PRDM16: variants seen among roughly 807,000 people sequenced by gnomAD.
PRDM16 encodes the protein PR/SET domain 16.
In PRDM16, 23 loss-of-function variants were observed where a neutral mutation model predicts 110.6. The ratio of observed to expected loss-of-function variants is 0.21; its 90% CI spans 0.15 to 0.29. The LOEUF is 0.29. PRDM16 is among the 10% of genes least tolerant of loss of function. PRDM16 has a pLI of 1.00. For missense variants in PRDM16, 1,615 were observed against 1,794.3 expected (o/e 0.90, Z 1.81); for synonymous variants, 799 against 781.8 (o/e 1.02, Z -0.37).
rs1643284966 is a variant in PRDM16, at chr1:3,390,754, G to A, written c.573+5468G>A. ...TGTCAGGGTTGCGGTTTTAAACAGA[G>A]GGCATCCAACACCCATCATCTTGTT... On this transcript the variant is annotated intron_variant, in intron 4 of 16. Coordinates refer to ENST00000270722, the MANE Select transcript of PRDM16 (RefSeq NM_022114.4). This position sits in a 1 kb window ranked among gnomAD's most constrained non-coding sequence, Gnocchi z 5.0. Among the ~76,000 whole-genome samples, 1 of 152,068 alleles carries A rather than the reference G, an allele frequency of 6.6e-6. No individual in the cohort carries two copies. Among genetic ancestry groups the A allele is most frequent in the Admixed American group, 6.5e-5 (1 of 15,270 alleles).
At chr1:3,385,107 GCA>G in intron 3 of PRDM16, 43 bp from the exon 4 acceptor site, 1 of 1,611,298 alleles carries the variant, frequency 6.2e-7, no homozygotes, top group Non-Finnish European at 8.5e-7. Context: ...GCAGACTCCA[GCA>G]CACAGGGCAC....
intron 2 of PRDM16, among the ~76,000 whole-genome samples, chr1:3,214,053 G>A (rs919285876): frequency 6.6e-6 from 1 of 152,098 alleles, no homozygotes; most frequent in Non-Finnish European, 1.5e-5. Context: ...CCACAGCCCC[G>A]CCCCTTGTCT....
intron 1 of PRDM16, among the ~76,000 whole-genome samples, chr1:3,076,817 C>A (rs935975837): frequency 3.3e-5 from 5 of 152,220 alleles, no homozygotes; most frequent in African/African-American, 7.2e-5. Flanking sequence ...TTCCGACTTA[C>A]CTGGATGGAT....
At chr1:3,329,735 A>G (rs1170753208) in intron 3 of PRDM16, among the ~76,000 whole-genome samples, 10 of 152,214 alleles carry the variant, frequency 6.6e-5, no homozygotes, top group Non-Finnish European at 1.5e-4. Flanking sequence ...CATTCACAGG[A>G]GAGTGGGCAG....
At chr1:3,236,415 C>CT (rs1639541973) in intron 2 of PRDM16, among the ~76,000 whole-genome samples, 1 of 152,174 alleles carries the variant, frequency 6.6e-6, no homozygotes, top group Non-Finnish European at 1.5e-5. Context: ...TGCTAATGGC[C>CT]TGGGGGGGCG....
intron 3 of PRDM16, chr1:3,308,859 G>A (rs1442598204): frequency 2.0e-5 from 3 of 152,232 alleles, no homozygotes; most frequent in Non-Finnish European, 2.9e-5. Context: ...CATGATAGTG[G>A]TCCCCGGGTA....
chr1:3,180,553 C>T (rs1228251554), intron 1 of PRDM16, among the ~76,000 whole-genome samples: 2 of 152,048 alleles, frequency 1.3e-5, no homozygotes, highest in African/African-American at 4.8e-5. Context: ...GCCCGAGGGC[C>T]GCAAAAGTAA....
At chr1:3,355,272 G>A (rs150437815) in intron 3 of PRDM16, among the ~76,000 whole-genome samples, 287 of 152,270 alleles carry the variant, frequency 1.9e-3, no homozygotes, top group African/African-American at 6.5e-3. Flanking sequence ...GGAGGCCTCC[G>A]GGGTATCAGG....
At chr1:3,254,643 A>G (rs1002321021) in intron 3 of PRDM16, among the ~76,000 whole-genome samples, 5 of 152,212 alleles carry the variant, frequency 3.3e-5, no homozygotes, top group Admixed American at 2.6e-4. Flanking sequence ...ACCACTGCTC[A>G]ATGAAATAAA....
intron 2 of PRDM16, among the ~76,000 whole-genome samples, chr1:3,212,659 T>C (rs1424464492): frequency 2.0e-5 from 3 of 150,654 alleles, no homozygotes; most frequent in South Asian, 4.2e-4. Context: ...GCTGCGGTCC[T>C]CCCGCTCATC....
At chr1:3,233,227 T>C (rs933214815) in intron 2 of PRDM16, among the ~76,000 whole-genome samples, 9 of 152,172 alleles carry the variant, frequency 5.9e-5, no homozygotes, top group African/African-American at 2.2e-4. Context: ...GGCCGCGCGG[T>C]GCCTAGCACC....
At chr1:3,186,099 G>A (rs766242377) in intron 1 of PRDM16, 26 bp from the exon 2 acceptor site, 1 of 1,584,230 alleles carries the variant, frequency 6.3e-7, no homozygotes, top group Middle Eastern at 1.7e-4. Flanking sequence ...GTGCTGCAGA[G>A]GTTGACGCTG....
At chr1:3,234,104 T>G (rs904831452) in intron 2 of PRDM16, among the ~76,000 whole-genome samples, 49 of 152,222 alleles carry the variant, frequency 3.2e-4, no homozygotes, top group African/African-American at 1.1e-3. Flanking sequence ...CCCGGTGTCC[T>G]GGGAGTGTGT....
At position 3,412,783 on chromosome 1, in the gene PRDM16, C is replaced by T. The variant is rs1322016235; in HGVS notation, c.2586C>T (p.Phe862=). The part of the protein sequence containing the change: ...PLHYAKPSPF[F]MDPIYSRVEK... ...ACTACGCCAAGCCCTCGCCCTTCTT[C>T]ATGGACCCCATCTACAGGTATTCAG... Residue 862 remains phenylalanine (F), a synonymous_variant, in exon 9 of 17, where the codon TTC becomes TTT. Transcript: ENST00000270722. The T allele has an allele frequency of 4.1e-6, 6 of 1,472,546 alleles. No individual in the cohort carries two copies. The East Asian group carries it at 1.5e-4, about 37-fold the overall frequency. 91.2% of individuals were successfully genotyped at this position (1,472,546 alleles called of 1,614,324 possible).
At chr1:3,196,116 G>A (rs1638468176) in intron 2 of PRDM16, among the ~76,000 whole-genome samples, 1 of 152,074 alleles carries the variant, frequency 6.6e-6, no homozygotes, top group African/African-American at 2.4e-5. Context: ...AGCTCACTGG[G>A]GGCAGCCAGG....
intron 2 of PRDM16, among the ~76,000 whole-genome samples, chr1:3,187,476 C>T (rs933781001): frequency 2.6e-5 from 4 of 152,214 alleles, no homozygotes; most frequent in African/African-American, 9.6e-5. Context: ...CTCCTGGTGG[C>T]TCGTGGCTCT....
At chr1:3,313,980 T>C (rs16824089) in intron 3 of PRDM16, among the ~76,000 whole-genome samples, 16,425 of 150,904 alleles carry the variant, frequency 0.11, 1,075 homozygotes, top group East Asian at 0.32. Flanking sequence ...CATCTGAATA[T>C]GAAATGTAAT....
chr1:3,354,197 G>C (rs1642549183), intron 3 of PRDM16, among the ~76,000 whole-genome samples: 1 of 152,170 alleles, frequency 6.6e-6, no homozygotes, highest in Admixed American at 6.5e-5. Context: ...TGGCGGCTCA[G>C]GCCTGTAATC....
At chr1:3,289,392 G>A (rs61759192) in intron 3 of PRDM16, among the ~76,000 whole-genome samples, 7,917 of 152,318 alleles carry the variant, frequency 0.052, 286 homozygotes, top group Non-Finnish European at 0.086. Flanking sequence ...GGTGCCAGAT[G>A]GGTGTCTGTC....
Sources: allele counts gnomAD v4.1 joint callset (sites outside exome capture counted in the v4.1 genomes callset), GRCh38; gene constraint gnomAD v4.1.1; non-coding constraint Gnocchi (gnomAD v3.1); transcripts MANE v1.5; gene names NCBI Gene and HGNC (gene_info 2026-07-23, HGNC 2026-07-21).